Variants in BICC1 observed in about 807,000 individuals in gnomAD.
The protein encoded by BICC1 is BicC family RNA binding protein 1.
Under a neutral mutation model 111.0 loss-of-function variants are expected in BICC1, and 43 were observed. The observed-to-expected ratio is 0.39, with a 90% CI of 0.30 to 0.50. The LOEUF (loss-of-function observed/expected upper bound fraction) is 0.50. BICC1 is among the 20% of genes least tolerant of loss of function. The pLI, the probability that BICC1 is intolerant of heterozygous loss-of-function variation, is 0.88. For missense variants in BICC1, 1,091 were observed against 1,203.2 expected (o/e 0.91, Z 1.38); for synonymous variants, 467 against 434.4 (o/e 1.07, Z -0.93).
chr10:58,526,612 T>A (rs1842549999), intron 1 of BICC1, among the ~76,000 whole-genome samples: 1 of 152,300 alleles, frequency 6.6e-6, no homozygotes, highest in African/African-American at 2.4e-5. Flanking sequence ...CAGTGTGTGA[T>A]GTTCCCCACC....
At chr10:58,558,634 T>G (rs557801425) in intron 1 of BICC1, among the ~76,000 whole-genome samples, 1 of 152,268 alleles carries the variant, frequency 6.6e-6, no homozygotes, top group Non-Finnish European at 1.5e-5. Flanking sequence ...GCCTATGAGA[T>G]CTTAATCTTA....
chr10:58,541,603 A>C lies in BICC1; in HGVS notation c.190+28270A>C, dbSNP rs77679528. Among the ~76,000 whole-genome samples the C allele has an allele frequency of 5.4e-3, 821 of 152,250 alleles. 4 individuals are homozygous for C. Among genetic ancestry groups the C allele is most frequent in the African/African-American group, 0.019 (780 of 41,566 alleles). On this transcript the variant is annotated intron_variant, in intron 1 of 20. Coordinates refer to ENST00000373886, the MANE Select transcript of BICC1 (RefSeq NM_001080512.3). Reference sequence around the variant, plus strand: ...TCTGTGTTCATGGTTTGGAATCCTTAATATTTTGTTAAAGTATCTCTATTA... The same window carrying C: ...TCTGTGTTCATGGTTTGGAATCCTTCATATTTTGTTAAAGTATCTCTATTA...
At chr10:58,710,735 A>ATG (rs902293007) in intron 3 of BICC1, among the ~76,000 whole-genome samples, 2 of 151,980 alleles carry the variant, frequency 1.3e-5, no homozygotes, top group South Asian at 2.1e-4. Flanking sequence ...TTACATGTAT[A>ATG]TGTGTGTGTG....
intron 4 of BICC1, among the ~76,000 whole-genome samples, chr10:58,785,345 G>C (rs1363916355): frequency 1.3e-5 from 2 of 152,184 alleles, no homozygotes; most frequent in Non-Finnish European, 2.9e-5. Flanking sequence ...TATCGTGTAT[G>C]TATGTGTATA....
chr10:58,789,945 G>A lies in BICC1; in HGVS notation c.1047+12G>A. On this transcript the variant is annotated intron_variant, in intron 8 of 20. Coordinates refer to ENST00000373886, the MANE Select transcript of BICC1 (RefSeq NM_001080512.3). ...GGCAATATCTCATGGTAAGGTTACT[G>A]AAATAAGTGTTACAATTTTTTTAAA... The A allele has an allele frequency of 6.2e-7, 1 of 1,612,938 alleles. No homozygotes were observed. The highest frequency in any genetic ancestry group is 8.5e-7 in the Non-Finnish European group (1 of 1,179,432).
intron 1 of BICC1, among the ~76,000 whole-genome samples, chr10:58,615,082 C>CG (rs1048984777): frequency 6.6e-6 from 1 of 151,868 alleles, no homozygotes; most frequent in African/African-American, 2.4e-5. Flanking sequence ...AAGTGCCCCC[C>CG]CGAGACACTT....
chr10:58,794,045 GAGT>G (rs1309343975), intron 9 of BICC1, among the ~76,000 whole-genome samples: 1 of 152,036 alleles, frequency 6.6e-6, no homozygotes, highest in Non-Finnish European at 1.5e-5. Flanking sequence ...AGTCCATTTA[GAGT>G]AACCATTATT....
intron 2 of BICC1, among the ~76,000 whole-genome samples, chr10:58,697,850 T>C (rs986651454): frequency 6.6e-6 from 1 of 151,402 alleles, no homozygotes; most frequent in Non-Finnish European, 1.5e-5. Context: ...TGCAATAATC[T>C]AGCTCCAGTA....
intron 14 of BICC1, 47 bp from the exon 15 acceptor site, chr10:58,803,030 A>G (rs778675578): frequency 6.8e-7 from 1 of 1,480,742 alleles, no homozygotes; most frequent in African/African-American, 1.4e-5. Flanking sequence ...CATTCAGTAC[A>G]TTTGTATATA....
At chr10:58,714,780 C>G (rs1840685243) in intron 3 of BICC1, among the ~76,000 whole-genome samples, 1 of 151,552 alleles carries the variant, frequency 6.6e-6, no homozygotes, top group South Asian at 2.1e-4. Flanking sequence ...GGACATCTAT[C>G]AGGCCTCTCA....
In BICC1 at chr10:58,579,971, ATTT is replaced by A. The variant is rs67020311; in HGVS notation, c.191-40874_191-40872del. 1.3e-4 allele frequency among the ~76,000 whole-genome samples: 20 copies of A among 149,284 alleles called. 1 individual carries two copies. The highest frequency in any genetic ancestry group is 4.0e-4 in the East Asian group (2 of 5,040). ...ATAATTATATTACATTTTGCCCTAA[ATTT>A]TTTTTTTTTATTGTGTTTAAGAACA... On this transcript the variant is annotated intron_variant, in intron 1 of 20. Transcript: ENST00000373886.
intron 18 of BICC1, among the ~76,000 whole-genome samples, chr10:58,817,208 G>T (rs1844121256): frequency 6.6e-6 from 1 of 152,024 alleles, no homozygotes; most frequent in Non-Finnish European, 1.5e-5. Flanking sequence ...TTTTGTCCCA[G>T]GGATCCTTTT....
intron 2 of BICC1, among the ~76,000 whole-genome samples, chr10:58,623,758 A>C (rs1368592261): frequency 2.0e-5 from 3 of 152,126 alleles, no homozygotes; most frequent in Non-Finnish European, 2.9e-5. Context: ...AGGGAGATAG[A>C]ATATTGAAGA....
chr10:58,548,512 A>G (rs931954242), intron 1 of BICC1, among the ~76,000 whole-genome samples: 4 of 152,190 alleles, frequency 2.6e-5, no homozygotes, highest in South Asian at 2.1e-4. Context: ...TACAATTTGC[A>G]TACATTAAGG....
intron 3 of BICC1, among the ~76,000 whole-genome samples, chr10:58,781,501 T>C (rs1019729687): frequency 1.3e-5 from 2 of 152,212 alleles, no homozygotes; most frequent in Admixed American, 1.3e-4. Context: ...TCAAAACCTT[T>C]ATGCCTAAAT....
At chr10:58,791,770 A>C (rs1843186980) in intron 8 of BICC1, among the ~76,000 whole-genome samples, 1 of 152,102 alleles carries the variant, frequency 6.6e-6, no homozygotes, top group Admixed American at 6.6e-5. Context: ...CCACAGGAGA[A>C]ATGGAGCATA....
chr10:58,713,567 A>G (rs113510886), intron 3 of BICC1, among the ~76,000 whole-genome samples: 119 of 152,374 alleles, frequency 7.8e-4, no homozygotes, highest in African/African-American at 2.4e-3. Context: ...TAGTTTGGAT[A>G]TAAACCTTGG....
At chr10:58,793,699 A>G (rs1298006851) in intron 9 of BICC1, 84 bp downstream of exon 9, 22 of 1,447,848 alleles carry the variant, frequency 1.5e-5, no homozygotes, top group Non-Finnish European at 1.9e-5. Flanking sequence ...ATTTATTTGC[A>G]TATACATGAA....
At chr10:58,601,417 CT>C (rs945336443) in intron 1 of BICC1, among the ~76,000 whole-genome samples, 4 of 151,514 alleles carry the variant, frequency 2.6e-5, no homozygotes, top group Non-Finnish European at 5.9e-5. Context: ...TCCAAATCAT[CT>C]TTTCAAATGA....
Sources: allele counts gnomAD v4.1 joint callset (sites outside exome capture counted in the v4.1 genomes callset), GRCh38; gene constraint gnomAD v4.1.1; transcripts MANE v1.5; gene names NCBI Gene and HGNC (gene_info 2026-07-23, HGNC 2026-07-21).